GALNT10: variants seen among roughly 807,000 people sequenced by gnomAD.
GALNT10 encodes polypeptide N-acetylgalactosaminyltransferase 10, also known as GalNAc transferase 10.
In GALNT10, 41 loss-of-function variants were observed where a neutral mutation model predicts 75.0. That is an observed-to-expected ratio of 0.55 (90% CI 0.43 to 0.71). The LOEUF (loss-of-function observed/expected upper bound fraction) is 0.71. Among genes scored for constraint, GALNT10 ranks in the 30% least tolerant of loss-of-function variants. The probability of loss-of-function intolerance (pLI) is 0.00; values close to 1 mark genes in which losing one functional copy is unlikely to be tolerated. For missense variants in GALNT10, 727 were observed against 818.5 expected (o/e 0.89, Z 1.36); for synonymous variants, 302 against 313.0 (o/e 0.96, Z 0.37).
chr5:154,226,986 T>G (rs370479044), intron 1 of GALNT10, among the ~76,000 whole-genome samples: 1 of 152,302 alleles, frequency 6.6e-6, no homozygotes, highest in Non-Finnish European at 1.5e-5. Context: ...GTGACCATGA[T>G]TATTTTGAGA....
At chr5:154,257,432 A>G (rs1274714843) in intron 1 of GALNT10, among the ~76,000 whole-genome samples, 1 of 152,234 alleles carries the variant, frequency 6.6e-6, no homozygotes, top group Non-Finnish European at 1.5e-5. Context: ...CCATTTTTAA[A>G]CGACATTTGT....
chr5:154,349,368 G>T (rs1755172537), intron 4 of GALNT10: 1 of 152,106 alleles, frequency 6.6e-6, no homozygotes, highest in South Asian at 2.1e-4. Context: ...AGAAAAAGTA[G>T]TCTGGGAGTT....
intron 10 of GALNT10, 83 bp from the exon 11 acceptor site, chr5:154,415,700 A>C (rs1756488942): frequency 6.2e-6 from 8 of 1,283,910 alleles, no homozygotes; most frequent in Non-Finnish European, 8.5e-6. Context: ...CTGAGTTTAA[A>C]TTTTTCCATA....
intron 4 of GALNT10, chr5:154,337,933 T>C: frequency 4.5e-6 from 7 of 1,540,820 alleles, no homozygotes; most frequent in Non-Finnish European, 6.2e-6. Context: ...GGATGGTATT[T>C]CTGAATGACA....
intron 3 of GALNT10, among the ~76,000 whole-genome samples, chr5:154,317,730 A>G (rs1173561124): frequency 6.6e-6 from 1 of 152,248 alleles, no homozygotes; most frequent in Non-Finnish European, 1.5e-5. Context: ...TTCTAGTTGT[A>G]AATGACAAAA....
At chr5:154,209,182 A>G (rs935534496) in intron 1 of GALNT10, among the ~76,000 whole-genome samples, 40 of 152,348 alleles carry the variant, frequency 2.6e-4, no homozygotes, top group Non-Finnish European at 4.7e-4. Flanking sequence ...GGAGCTAGAC[A>G]TGGAGAGGCC....
intron 3 of GALNT10, among the ~76,000 whole-genome samples, chr5:154,301,175 G>A (rs985299989): frequency 1.4e-4 from 22 of 152,098 alleles, no homozygotes; most frequent in Admixed American, 3.3e-4. Context: ...TGAGAAAAAC[G>A]TTGAATTTTT....
chr5:154,223,344 C>G (rs1400609576), intron 1 of GALNT10, among the ~76,000 whole-genome samples: 1 of 152,162 alleles, frequency 6.6e-6, no homozygotes, highest in African/African-American at 2.4e-5. Context: ...AAGTCACTTC[C>G]CCAGTTCGTA....
rs1754309957 is a variant in GALNT10 at position 154,298,169 on chromosome 5, C to G, written c.401+90C>G. 4 of 1,193,158 alleles carry G rather than the reference C, an allele frequency of 3.4e-6. No homozygotes were observed. The highest frequency in any genetic ancestry group is 4.9e-6 in the Non-Finnish European group (4 of 824,284). 73.9% of individuals were successfully genotyped at this position (1,193,158 alleles called of 1,614,324 possible). On this transcript the variant is annotated intron_variant, in intron 3 of 11. Coordinates refer to ENST00000297107, the MANE Select transcript of GALNT10 (RefSeq NM_198321.4). This position sits in a 1 kb window ranked among gnomAD's most constrained non-coding sequence, Gnocchi z 4.1. Reference sequence around the variant, plus strand: ...ATTAAGGAAGCAGGTACATGGAGCCCTGCTGACGGAGACACCCTCCTCTTT... The same window carrying G: ...ATTAAGGAAGCAGGTACATGGAGCCGTGCTGACGGAGACACCCTCCTCTTT...
Position 154,190,875 on chromosome 5 carries a change from G to A in GALNT10, c.9G>A (p.Arg3=). 2 of 1,417,552 alleles carry A rather than the reference G, an allele frequency of 1.4e-6. No homozygotes were observed. Among genetic ancestry groups the A allele is most frequent in the Non-Finnish European group, 1.9e-6 (2 of 1,078,942 alleles). 87.8% of individuals were successfully genotyped at this position (1,417,552 alleles called of 1,614,324 possible). The change falls in exon 1 of 12, where the codon CGG becomes CGA. Residue 3 remains arginine (R), a synonymous_variant. Transcript: ENST00000297107. MR[R]KEKRLLQAVA... ...GGGGCTGACCGGCCCCGATGAGGCG[G>A]AAGGAGAAGCGGCTCCTGCAGGCGG...
rs530949669 is a variant in GALNT10, at chr5:154,374,719, G to C, written c.569-1558G>C. On this transcript the variant is annotated intron_variant, in intron 4 of 11. Coordinates refer to ENST00000297107, the MANE Select transcript of GALNT10 (RefSeq NM_198321.4). ...TGCATTAAAAGTAACACTGGATAACGTGGAGGGAAAGCCTTCTCTTTTCAA... is the reference window on the plus strand; with the variant it reads ...TGCATTAAAAGTAACACTGGATAACCTGGAGGGAAAGCCTTCTCTTTTCAA... 2.7e-4 allele frequency among the ~76,000 whole-genome samples: 41 copies of C among 152,310 alleles called. No homozygotes were observed. In the South Asian group the frequency reaches 8.5e-3, roughly 32 times the overall value.
At chr5:154,308,130 T>C (rs1389660230) in intron 3 of GALNT10, among the ~76,000 whole-genome samples, 1 of 151,436 alleles carries the variant, frequency 6.6e-6, no homozygotes, top group African/African-American at 2.4e-5. Flanking sequence ...TGGGTAAATA[T>C]ATGCTATTTT....
At position 154,229,758 on chromosome 5, in the gene GALNT10, A is replaced by G. The variant is rs76343686; in HGVS notation, c.159+38733A>G. Among the ~76,000 whole-genome samples, 685 of 152,258 alleles carry G rather than the reference A, an allele frequency of 4.5e-3. 5 individuals are homozygous for G. The highest frequency in any genetic ancestry group is 0.015 in the African/African-American group (642 of 41,568). On this transcript the variant is annotated intron_variant, in intron 1 of 11. Transcript: ENST00000297107. ...AAAAAAAAAAAAGAATCTAAGTTCC[A>G]TGCAATCACGGACCAGGACAGTCTT...
At chr5:154,265,367 C>T (rs6872602) in intron 1 of GALNT10, among the ~76,000 whole-genome samples, 17 of 152,144 alleles carry the variant, frequency 1.1e-4, no homozygotes, top group African/African-American at 3.6e-4. Context: ...CTGATGCTGA[C>T]AAGGCCTTTC....
At chr5:154,255,947 T>C (rs1753602173) in intron 1 of GALNT10, among the ~76,000 whole-genome samples, 1 of 152,048 alleles carries the variant, frequency 6.6e-6, no homozygotes, top group Admixed American at 6.6e-5. Flanking sequence ...TTCAGTGTTT[T>C]TTAGTTTATC....
At chr5:154,406,137 G>A (rs764256092) in intron 8 of GALNT10, 3 of 151,884 alleles carry the variant, frequency 2.0e-5, no homozygotes, top group Non-Finnish European at 4.4e-5. Flanking sequence ...ATTCAAACCT[G>A]TGTAGGTCTG....
intron 5 of GALNT10, among the ~76,000 whole-genome samples, chr5:154,377,937 C>T (rs1309253161): frequency 6.6e-6 from 1 of 152,054 alleles, no homozygotes; most frequent in Non-Finnish European, 1.5e-5. Context: ...CATTCAGTGA[C>T]TCATAAAGAG....
In GALNT10 at chr5:154,401,515, G is replaced by A. The variant is rs78351849; in HGVS notation, c.1057-2589G>A. Among the ~76,000 whole-genome samples the A allele has an allele frequency of 2.1e-3, 319 of 152,306 alleles. 1 individual carries two copies. Among genetic ancestry groups the A allele is most frequent in the African/African-American group, 7.2e-3 (301 of 41,570 alleles). On this transcript the variant is annotated intron_variant, in intron 7 of 11. Coordinates refer to ENST00000297107, the MANE Select transcript of GALNT10 (RefSeq NM_198321.4). ...TGCTGGCGCCTGATCAATATCTCCT[G>A]CTTTGAAAATAAACTTCTTGGTTTG... is the stretch of plus-strand genomic sequence containing the variant.
chr5:154,378,489 A>T (rs1021602750), intron 5 of GALNT10, among the ~76,000 whole-genome samples: 2 of 152,228 alleles, frequency 1.3e-5, no homozygotes, highest in Non-Finnish European at 2.9e-5. Flanking sequence ...GGAGATGCTC[A>T]GCCTTCCACT....
Sources: gnomAD v4.1 joint callset for allele counts (sites outside exome capture counted in the v4.1 genomes callset) on GRCh38, gnomAD v4.1.1 for gene constraint, Gnocchi (gnomAD v3.1) non-coding constraint, MANE v1.5 for transcripts, NCBI Gene and HGNC (gene_info 2026-07-23, HGNC 2026-07-21) for gene names.